Variants in CLIP1 observed in about 807,000 individuals in gnomAD.
CLIP1 encodes CAP-Gly domain-containing linker protein 1.
Under a neutral mutation model 161.6 loss-of-function variants are expected in CLIP1, and 66 were observed. That is an observed-to-expected ratio of 0.41 (90% CI 0.33 to 0.50). CLIP1 has a LOEUF of 0.50. CLIP1 is among the 20% of genes least tolerant of loss of function. The probability of loss-of-function intolerance (pLI) is 0.27; values close to 1 mark genes in which losing one functional copy is unlikely to be tolerated. For synonymous variants in CLIP1, 598 were observed against 626.2 expected (o/e 0.96, Z 0.67); for missense variants, 1,376 against 1,702.0 (o/e 0.81, Z 3.37).
At chr12:122,324,731 G>A (rs1160844692) in intron 17 of CLIP1, among the ~76,000 whole-genome samples, 2 of 152,084 alleles carry the variant, frequency 1.3e-5, no homozygotes, top group Non-Finnish European at 2.9e-5. Flanking sequence ...TACTTTGAAA[G>A]CAGAAAGGAT....
intron 1 of CLIP1, among the ~76,000 whole-genome samples, chr12:122,401,632 T>C (rs1274375107): frequency 6.6e-6 from 1 of 151,416 alleles, no homozygotes; most frequent in Non-Finnish European, 1.5e-5. Context: ...GGCGCCATTG[T>C]ACTCCAAGAA....
At chr12:122,380,831 G>C (rs1182920695) in intron 1 of CLIP1, among the ~76,000 whole-genome samples, 1 of 152,056 alleles carries the variant, frequency 6.6e-6, no homozygotes, top group Non-Finnish European at 1.5e-5. Context: ...GCTAAGATAG[G>C]AGGACTGTTT....
Position 122,272,912 on chromosome 12 carries a change from T to C in CLIP1, c.4280A>G (p.His1427Arg), listed in dbSNP as rs753261077. ...GTCGTCATTGCAGTTGGTGGCCCAGTGTCCAAACATCTCACAGATTTCACA... is the reference window on the plus strand; with the variant it reads ...GTCGTCATTGCAGTTGGTGGCCCAGCGTCCAAACATCTCACAGATTTCACA... ...PYCEICEMFG[H>R]WATNCNDDET... Residue 1427 changes from histidine (H) to arginine (R), a missense_variant, in exon 26 of 26, where the codon CAC becomes CGC. By Grantham distance (29) the His-to-Arg change is conservative. Coordinates refer to ENST00000620786, the MANE Select transcript of CLIP1 (RefSeq NM_001247997.2). The C allele has an allele frequency of 6.2e-7, 1 of 1,614,236 alleles. No individual in the cohort carries two copies. The highest frequency in any genetic ancestry group is 1.1e-5 in the South Asian group (1 of 91,084).
chr12:122,420,913 G>T (rs1956915583), intron 1 of CLIP1, among the ~76,000 whole-genome samples: 1 of 151,594 alleles, frequency 6.6e-6, no homozygotes, highest in Non-Finnish European at 1.5e-5. Context: ...CTGGCCGGGG[G>T]GACAGATTGA....
At chr12:122,315,978 G>A (rs1373974725) in intron 19 of CLIP1, among the ~76,000 whole-genome samples, 1 of 151,820 alleles carries the variant, frequency 6.6e-6, no homozygotes, top group Non-Finnish European at 1.5e-5. Flanking sequence ...AATGTAGAAA[G>A]TGACATGCTA....
Position 122,336,687 on chromosome 12 carries a change from T to C in CLIP1, c.2513A>G (p.Asn838Ser), listed in dbSNP as rs890763486. 2 of 1,612,662 alleles carry C rather than the reference T, an allele frequency of 1.2e-6. No individual in the cohort carries two copies. The highest frequency in any genetic ancestry group is 1.7e-6 in the Non-Finnish European group (2 of 1,179,424). Reference protein sequence around the residue: ...RELKLTNLQENLSEVSQVKET... With the variant: ...RELKLTNLQESLSEVSQVKET... Reference sequence around the variant, plus strand: ...TTTCACTTGACTGACTTCACTCAAATTTTCCTGAAGGTTAGTAAGCTTTAG... The same window carrying C: ...TTTCACTTGACTGACTTCACTCAAACTTTCCTGAAGGTTAGTAAGCTTTAG... The change falls in exon 12 of 26, where the codon AAT becomes AGT. Residue 838 changes from asparagine (N) to serine (S), a missense_variant. By Grantham distance (46) the Asn-to-Ser change is conservative. Coordinates refer to ENST00000620786, the MANE Select transcript of CLIP1 (RefSeq NM_001247997.2).
intron 5 of CLIP1, among the ~76,000 whole-genome samples, chr12:122,356,596 G>GTCCCTC (rs1953376315): frequency 6.6e-6 from 1 of 151,846 alleles, no homozygotes; most frequent in Non-Finnish European, 1.5e-5. Context: ...AATGAATTGG[G>GTCCCTC]TCCCTCTCCC....
At chr12:122,295,978 C>T (rs1950455670) in intron 20 of CLIP1, among the ~76,000 whole-genome samples, 2 of 152,154 alleles carry the variant, frequency 1.3e-5, no homozygotes, top group Admixed American at 6.6e-5. Context: ...TACTTTCAAC[C>T]TATTTGTGGC....
intron 1 of CLIP1, among the ~76,000 whole-genome samples, chr12:122,386,588 G>A (rs976246077): frequency 5.9e-5 from 9 of 152,156 alleles, no homozygotes; most frequent in Non-Finnish European, 8.8e-5. Flanking sequence ...AGTGACCAAA[G>A]AGAATAGTGT....
chr12:122,335,545 G>A (rs537921108), intron 12 of CLIP1, among the ~76,000 whole-genome samples: 9 of 152,140 alleles, frequency 5.9e-5, no homozygotes, highest in East Asian at 5.8e-4. Context: ...AGTAGCTCAC[G>A]CCTATAATCC....
chr12:122,348,425 G>A (rs944757183), intron 9 of CLIP1, among the ~76,000 whole-genome samples: 1 of 152,078 alleles, frequency 6.6e-6, no homozygotes. Flanking sequence ...ACATAAAAAC[G>A]CAACTCAACA....
At chr12:122,312,089 T>C (rs1593038579) in intron 19 of CLIP1, among the ~76,000 whole-genome samples, 1 of 152,274 alleles carries the variant, frequency 6.6e-6, no homozygotes, top group East Asian at 1.9e-4. Context: ...GCTACTTTTC[T>C]TTCTACATGA....
intron 3 of CLIP1, among the ~76,000 whole-genome samples, chr12:122,376,642 G>A (rs1199511090): frequency 6.6e-6 from 1 of 151,152 alleles, no homozygotes; most frequent in Non-Finnish European, 1.5e-5. Flanking sequence ...AATTTTTTTT[G>A]TATTTTTTTA....
chr12:122,374,405 G>C (rs1954614206), intron 3 of CLIP1, among the ~76,000 whole-genome samples: 1 of 151,782 alleles, frequency 6.6e-6, no homozygotes, highest in African/African-American at 2.4e-5. Flanking sequence ...CAGATCACGA[G>C]GTCAAGAGAT....
chr12:122,341,708 C>T lies in CLIP1; in HGVS notation c.1507-11G>A, dbSNP rs766754185. On this transcript the variant is annotated splice_polypyrimidine_tract_variant and intron_variant, in intron 10 of 25. Coordinates refer to ENST00000620786, the MANE Select transcript of CLIP1 (RefSeq NM_001247997.2). ...TGAAACTGTAGCCACCTATTAACAG[C>T]AGTCCAAAGAAAAAAAGATCATTTA... is the stretch of plus-strand genomic sequence containing the variant. 1.5e-6 allele frequency: 2 copies of T among 1,367,926 alleles called. No individual in the cohort carries two copies. The highest frequency in any genetic ancestry group is 1.9e-6 in the Non-Finnish European group (2 of 1,033,378). The allele number at this position is 1,367,926 out of a possible 1,614,324, so 84.7% of individuals were successfully genotyped here.
At chr12:122,394,447 C>A (rs1426176233) in intron 1 of CLIP1, among the ~76,000 whole-genome samples, 2 of 140,804 alleles carry the variant, frequency 1.4e-5, no homozygotes, top group Non-Finnish European at 3.0e-5. Context: ...CAAGATTTCG[C>A]CACTGCACTC....
intron 15 of CLIP1, 27 bp downstream of exon 15, chr12:122,332,960 A>G (rs7956480): frequency 0.76 from 1,217,763 of 1,596,192 alleles, 466,122 homozygotes; most frequent in East Asian, 0.86. Context: ...ACCTAAGGTC[A>G]GCACTCTTTT....
At chr12:122,291,707 T>A (rs1488795493) in intron 20 of CLIP1, among the ~76,000 whole-genome samples, 1 of 152,180 alleles carries the variant, frequency 6.6e-6, no homozygotes, top group Non-Finnish European at 1.5e-5. Flanking sequence ...GAGGTTAACT[T>A]CGGTCACTTG....
At position 122,279,197 on chromosome 12, in the gene CLIP1, G is replaced by A; in HGVS notation, c.3648-52C>T. ...CACAAATCAACCGAAAGACTGGTCA[G>A]TGTACAACTGTTCTAGAACAAACAC... On this transcript the variant is annotated intron_variant, in intron 21 of 25. Transcript: ENST00000620786. This position sits in a 1 kb window ranked among gnomAD's most constrained non-coding sequence, Gnocchi z 4.5. The A allele has an allele frequency of 2.6e-6, 3 of 1,150,944 alleles. No homozygotes were observed. Among genetic ancestry groups the A allele is most frequent in the South Asian group, 1.4e-5 (1 of 71,560 alleles). The allele number at this position is 1,150,944 out of a possible 1,614,324, so 71.3% of individuals were successfully genotyped here. A position where few individuals can be genotyped will look rare whatever the true frequency, so the allele number is the denominator to read the frequency against.
Sources: gnomAD v4.1 joint callset for allele counts (sites outside exome capture counted in the v4.1 genomes callset) on GRCh38, gnomAD v4.1.1 for gene constraint, Gnocchi (gnomAD v3.1) non-coding constraint, MANE v1.5 for transcripts, NCBI Gene and HGNC (gene_info 2026-07-23, HGNC 2026-07-21) for gene names.